The following SIPA1L2 variants were observed in gnomAD, a reference collection of about 807,000 sequenced individuals.
The protein encoded by SIPA1L2 is signal-induced proliferation-associated 1-like protein 2.
SIPA1L2 carries 56 observed loss-of-function variants against 163.9 expected under a neutral mutation model. The ratio of observed to expected loss-of-function variants is 0.34; its 90% CI spans 0.28 to 0.43. The LOEUF is 0.43. Ranked by LOEUF, SIPA1L2 falls within the 20% of genes least tolerant of loss-of-function variation. SIPA1L2 has a pLI of 1.00. For synonymous variants in SIPA1L2, 877 were observed against 865.7 expected, an observed-to-expected ratio of 1.01 and a Z score of -0.23; for missense variants, 1,974 against 2,193.5, an observed-to-expected ratio of 0.90 and a Z score of 2.00.
At chr1:232,606,900 A>G (rs780221657) in intron 1 of SIPA1L2, among the ~76,000 whole-genome samples, 15 of 151,992 alleles carry the variant, frequency 9.9e-5, no homozygotes, top group Non-Finnish European at 2.2e-4. Context: ...TCTATATCTA[A>G]TAAACATTTG....
At chr1:232,444,171 G>A (rs899423282) in intron 11 of SIPA1L2, among the ~76,000 whole-genome samples, 2 of 151,724 alleles carry the variant, frequency 1.3e-5, no homozygotes, top group Admixed American at 6.6e-5. Context: ...CTTTTTTTCA[G>A]ACATGCAAAA....
chr1:232,441,685 TA>T, intron 13 of SIPA1L2, 82 bp downstream of exon 13: 3 of 1,171,018 alleles, frequency 2.6e-6, no homozygotes, highest in South Asian at 2.6e-5. Context: ...AGTGAATGAA[TA>T]AAATGAAGTG....
chr1:232,443,900 T>A (rs1336469601), intron 11 of SIPA1L2, among the ~76,000 whole-genome samples: 1 of 152,216 alleles, frequency 6.6e-6, no homozygotes, highest in Non-Finnish European at 1.5e-5. Context: ...CAATTTGTCC[T>A]AGGAAAGAGG....
chr1:232,412,718 A>G (rs1425268192), intron 19 of SIPA1L2, among the ~76,000 whole-genome samples: 2 of 152,188 alleles, frequency 1.3e-5, no homozygotes, highest in Non-Finnish European at 2.9e-5. Flanking sequence ...ATACTCAACC[A>G]AATTTTCATA....
chr1:232,439,047 C>A, intron 15 of SIPA1L2, 61 bp downstream of exon 15: 1 of 1,517,238 alleles, frequency 6.6e-7, no homozygotes, highest in Non-Finnish European at 8.8e-7. Flanking sequence ...TCTGCCCTAT[C>A]CCAGCAGGCA....
Position 232,461,151 on chromosome 1 carries a change from C to A in SIPA1L2, c.2831G>T (p.Arg944Ile). 4 of 1,614,084 alleles carry A rather than the reference C, an allele frequency of 2.5e-6. No individual in the cohort carries two copies. The highest frequency in any genetic ancestry group is 3.4e-6 in the Non-Finnish European group (4 of 1,179,936). The change falls in exon 10 of 23, where the codon AGA becomes ATA. Residue 944 changes from arginine (R) to isoleucine (I), a missense_variant. By Grantham distance (97) the Arg-to-Ile change is moderately conservative. Around this residue, in one of 3 missense-constraint regions of SIPA1L2, gnomAD observed 1,079 missense variants for 1,150.7 expected, o/e 0.94. Transcript: ENST00000674635. The part of the protein sequence containing the change: ...EIVQRLVIVT[R>I]GCETVEMTLR... ...GGTCATTTCCACAGTCTCGCAGCCT[C>A]TCGTCACTATCTAAGGGGGAAGGAG...
At chr1:232,494,093 C>T (rs141746563) in intron 3 of SIPA1L2, among the ~76,000 whole-genome samples, 1 of 152,314 alleles carries the variant, frequency 6.6e-6, no homozygotes, top group Non-Finnish European at 1.5e-5. Context: ...AGTAGCCACA[C>T]AAGCCAGCCA....
At chr1:232,473,859 A>G (rs1420799765) in intron 7 of SIPA1L2, among the ~76,000 whole-genome samples, 1 of 152,216 alleles carries the variant, frequency 6.6e-6, no homozygotes, top group African/African-American at 2.4e-5. Context: ...AATAAGAAAA[A>G]TGAACACTAT....
At chr1:232,476,221 A>G (rs562982647) in intron 7 of SIPA1L2, among the ~76,000 whole-genome samples, 66 of 152,256 alleles carry the variant, frequency 4.3e-4, no homozygotes, top group African/African-American at 1.5e-3. Context: ...TAGCCCAAAT[A>G]CAACATCATT....
At chr1:232,519,247 C>T (rs1224457460) in intron 2 of SIPA1L2, among the ~76,000 whole-genome samples, 2 of 152,188 alleles carry the variant, frequency 1.3e-5, no homozygotes, top group Non-Finnish European at 2.9e-5. Flanking sequence ...CTAAGCATCT[C>T]GGCAGCTTCC....
At chr1:232,544,035 G>A (rs789639) in intron 2 of SIPA1L2, among the ~76,000 whole-genome samples, 46,240 of 151,940 alleles carry the variant, frequency 0.3, 7,939 homozygotes, top group African/African-American at 0.46. Context: ...CTAAAATTAC[G>A]GTTAATATTT....
rs1660173690 is a variant in SIPA1L2, at chr1:232,399,001, T to G, written c.*126A>C. ...CTCCCTATCCTGCTGTGGTGAATGG[T>G]GCTACACAGAATGGAACAGCAAAAA... is the stretch of plus-strand genomic sequence containing the variant. On this transcript the variant is annotated 3_prime_UTR_variant, in exon 23 of 23. Transcript: ENST00000674635. 3.0e-6 allele frequency: 4 copies of G among 1,329,302 alleles called. No individual in the cohort carries two copies. The highest frequency in any genetic ancestry group is 4.1e-6 in the Non-Finnish European group (4 of 966,668). The allele number at this position is 1,329,302 out of a possible 1,614,324, so 82.3% of individuals were successfully genotyped here.
At chr1:232,521,134 T>G (rs978369547) in intron 2 of SIPA1L2, among the ~76,000 whole-genome samples, 12 of 152,214 alleles carry the variant, frequency 7.9e-5, no homozygotes, top group African/African-American at 2.4e-4. Flanking sequence ...ATAAATATTT[T>G]TGAACATGAG....
At chr1:232,458,985 G>C (rs1664079931) in intron 10 of SIPA1L2, among the ~76,000 whole-genome samples, 1 of 152,174 alleles carries the variant, frequency 6.6e-6, no homozygotes, top group African/African-American at 2.4e-5. Context: ...ACTCTACAGA[G>C]AAAACTTAGT....
chr1:232,568,880 G>C (rs1329780234), intron 2 of SIPA1L2, among the ~76,000 whole-genome samples: 1 of 152,180 alleles, frequency 6.6e-6, no homozygotes, highest in African/African-American at 2.4e-5. Context: ...CAGCTCACTA[G>C]TATTCTCCCA....
intron 10 of SIPA1L2, among the ~76,000 whole-genome samples, chr1:232,450,080 G>A (rs762044442): frequency 3.3e-5 from 5 of 152,134 alleles, no homozygotes; most frequent in Admixed American, 6.5e-5. Flanking sequence ...CTTAACACCT[G>A]CTTATAGAAC....
intron 5 of SIPA1L2, 163 bp downstream of exon 5, chr1:232,490,711 T>C: frequency 2.7e-6 from 2 of 732,164 alleles, no homozygotes; most frequent in Non-Finnish European, 4.3e-6. Context: ...TGGCATCATG[T>C]TTCCAAACTA....
At chr1:232,589,298 T>C (rs1441975592) in intron 1 of SIPA1L2, among the ~76,000 whole-genome samples, 1 of 152,216 alleles carries the variant, frequency 6.6e-6, no homozygotes, top group Non-Finnish European at 1.5e-5. Context: ...TCCATCAATT[T>C]CCCAAATGAC....
intron 1 of SIPA1L2, among the ~76,000 whole-genome samples, chr1:232,627,874 G>A (rs1573197720): frequency 6.6e-6 from 1 of 152,132 alleles, no homozygotes; most frequent in South Asian, 2.1e-4. Flanking sequence ...ACTGATAAAA[G>A]CTGTTTCTGA....
Sources: allele counts gnomAD v4.1 joint callset (sites outside exome capture counted in the v4.1 genomes callset), GRCh38; gene constraint gnomAD v4.1.1; regional missense constraint gnomAD v4.1.1; transcripts MANE v1.5; gene names NCBI Gene and HGNC (gene_info 2026-07-23, HGNC 2026-07-21).